The following TSPAN16 variants were observed in gnomAD, a reference collection of about 807,000 sequenced individuals.
TSPAN16 encodes the protein tetraspanin-16.
A neutral mutation model predicts 25.2 loss-of-function variants in TSPAN16; 23 were observed. That is an observed-to-expected ratio of 0.91 (90% CI 0.66 to 1.29). The LOEUF (loss-of-function observed/expected upper bound fraction) is 1.29, where lower values mean the gene tolerates loss of function less well. Ranked by LOEUF, TSPAN16 falls within the 50% of genes most tolerant of loss-of-function variation. The pLI is 0.00. For missense variants in TSPAN16, 272 were observed against 299.9 expected (o/e 0.91, Z 0.69); for synonymous variants, 123 against 124.4 (o/e 0.99, Z 0.08).
intron 6 of TSPAN16, chr19:11,325,436 C>G (rs753462943): frequency 1.2e-6 from 2 of 1,606,648 alleles, no homozygotes; most frequent in Admixed American, 1.7e-5. Flanking sequence ...GCTGGAGCAT[C>G]CCCCACGGCC....
Position 11,301,321 on chromosome 19 carries a change from TAAA to T in TSPAN16, c.450+23_450+25del. ...GGTCATGGAGAAGGTGAGGCTTACT[TAAA>T]AAAAAAAAATTGTGGTGTAAAGGTA... On this transcript the variant is annotated intron_variant, in intron 4 of 6. Coordinates refer to ENST00000590327, the MANE Select transcript of TSPAN16 (RefSeq NM_001282509.2). 1 of 1,264,840 alleles carries T rather than the reference TAAA, an allele frequency of 7.9e-7. No individual in the cohort carries two copies. Among genetic ancestry groups the T allele is most frequent in the Non-Finnish European group, 1.1e-6 (1 of 923,190 alleles). 78.4% of individuals were successfully genotyped at this position (1,264,840 alleles called of 1,614,324 possible).
chr19:11,317,644 G>A (rs2080755979), downstream of TSPAN16, among the ~76,000 whole-genome samples: 1 of 151,782 alleles, frequency 6.6e-6, no homozygotes, highest in Non-Finnish European at 1.5e-5. Context: ...ACAGGCATGT[G>A]CCACCATGCC....
chr19:11,326,657 G>T, intron 6 of TSPAN16: 1 of 572,886 alleles, frequency 1.7e-6, no homozygotes, highest in Non-Finnish European at 3.1e-6. Flanking sequence ...AGGCCGGGGT[G>T]TAGTGGTATG....
chr19:11,296,394 G>A (rs756308000), intron 1 of TSPAN16, 28 bp downstream of exon 1: 4 of 1,609,852 alleles, frequency 2.5e-6, no homozygotes, highest in Non-Finnish European at 3.4e-6. Context: ...CAGGCCCCTG[G>A]TTTGTTGCAG....
chr19:11,299,952 G>C lies in TSPAN16; in HGVS notation c.342+1006G>C, dbSNP rs148630456. Among the ~76,000 whole-genome samples, 859 of 149,652 alleles carry C rather than the reference G, an allele frequency of 5.7e-3. 6 individuals carry two copies. The highest frequency in any genetic ancestry group is 0.02 in the African/African-American group (821 of 40,414). ...AGATTGTGCCATTGCACTCCAGCCT[G>C]GGCAACAAGAGTGAAACTCTGTCTC... On this transcript the variant is annotated intron_variant, in intron 3 of 6. Transcript: ENST00000590327.
At chr19:11,298,433 CTA>C (rs1555702873) in intron 2 of TSPAN16, 94 bp downstream of exon 2, 13 of 1,236,966 alleles carry the variant, frequency 1.1e-5, no homozygotes, top group African/African-American at 2.1e-5. Context: ...TTGGTGTCAC[CTA>C]TTTTTTTTTT....
chr19:11,319,971 C>T (rs8109075), downstream of TSPAN16, among the ~76,000 whole-genome samples: 40,370 of 151,242 alleles, frequency 0.27, 5,518 homozygotes, highest in Admixed American at 0.33. Context: ...CCCGCCACCA[C>T]GCCCGGCTAA....
chr19:11,313,122 A>G (rs931184604), intron 6 of TSPAN16, among the ~76,000 whole-genome samples: 2 of 152,268 alleles, frequency 1.3e-5, no homozygotes, highest in Middle Eastern at 3.4e-3. Context: ...AATTAACACC[A>G]TTGTTTCACC....
At chr19:11,315,754 A>G (rs2080743178) in intron 6 of TSPAN16, 37 bp from the exon 7 acceptor site, 5 of 1,228,860 alleles carry the variant, frequency 4.1e-6, no homozygotes, top group Non-Finnish European at 4.1e-6. Flanking sequence ...GGAGGTCTCT[A>G]GCATTGGATC....
downstream of TSPAN16, among the ~76,000 whole-genome samples, chr19:11,319,577 G>T (rs1034437129): frequency 6.6e-6 from 1 of 151,640 alleles, no homozygotes; most frequent in East Asian, 2.0e-4. Flanking sequence ...CAGCCTGGGC[G>T]ACAGAGCGAG....
chr19:11,321,107 T>G (rs2080776798), intron 6 of TSPAN16, among the ~76,000 whole-genome samples: 1 of 150,836 alleles, frequency 6.6e-6, no homozygotes, highest in Admixed American at 6.6e-5. Context: ...AGGCGGAGGT[T>G]GCAGTGAGCC....
chr19:11,326,407 G>T (rs569011444), intron 6 of TSPAN16, among the ~76,000 whole-genome samples: 1 of 152,036 alleles, frequency 6.6e-6, no homozygotes, highest in Admixed American at 6.6e-5. Flanking sequence ...GAAACCCTGC[G>T]GCTGCAGCCA....
downstream of TSPAN16, among the ~76,000 whole-genome samples, chr19:11,319,221 C>G (rs986731970): frequency 6.6e-6 from 1 of 152,196 alleles, no homozygotes; most frequent in African/African-American, 2.4e-5. Flanking sequence ...TCACAAGCCC[C>G]CTCCCTTTCA....
chr19:11,314,065 T>C (rs903065509), intron 6 of TSPAN16, among the ~76,000 whole-genome samples: 4 of 152,188 alleles, frequency 2.6e-5, no homozygotes, highest in Admixed American at 1.3e-4. Context: ...ATGACCCATA[T>C]CAACATCATG....
chr19:11,322,716 G>A (rs1415756038), intron 6 of TSPAN16: 14 of 152,158 alleles, frequency 9.2e-5, no homozygotes, highest in Admixed American at 8.5e-4. Context: ...AGAATCCTGA[G>A]GCAGCTCTCT....
chr19:11,303,416 C>T (rs2080588383), intron 4 of TSPAN16, among the ~76,000 whole-genome samples: 1 of 146,358 alleles, frequency 6.8e-6, no homozygotes, highest in South Asian at 2.2e-4. Flanking sequence ...GACACAAACA[C>T]TGCGGAAGGC....
At chr19:11,320,020 G>A (rs1450989862), downstream of TSPAN16, among the ~76,000 whole-genome samples, 1 of 151,454 alleles carries the variant, frequency 6.6e-6, no homozygotes, top group Admixed American at 6.6e-5. Flanking sequence ...GGGTCTTACC[G>A]TGTTAGCCAG....
intron 6 of TSPAN16, among the ~76,000 whole-genome samples, chr19:11,326,327 G>C (rs1291081679): frequency 6.6e-6 from 1 of 152,138 alleles, no homozygotes; most frequent in East Asian, 1.9e-4. Context: ...GCAGCAGTGA[G>C]CCATGATCAC....
At chr19:11,297,927 G>C (rs1279891179) in intron 1 of TSPAN16, among the ~76,000 whole-genome samples, 2 of 151,726 alleles carry the variant, frequency 1.3e-5, no homozygotes, top group African/African-American at 4.9e-5. Context: ...GAGTAGCTGA[G>C]ACTACAGGCA....
Sources: allele counts gnomAD v4.1 joint callset (sites outside exome capture counted in the v4.1 genomes callset), GRCh38; gene constraint gnomAD v4.1.1; transcripts MANE v1.5; gene names NCBI Gene and HGNC (gene_info 2026-07-23, HGNC 2026-07-21).